TGFBR2: variants seen among roughly 807,000 people sequenced by gnomAD.
TGFBR2 encodes the protein TGF-beta receptor type-2.
In TGFBR2, 18 loss-of-function variants were observed where a neutral mutation model predicts 49.0. That is an observed-to-expected ratio of 0.37 (90% CI 0.25 to 0.54). The LOEUF is 0.54. TGFBR2 is among the 20% of genes least tolerant of loss of function. The probability of loss-of-function intolerance (pLI) is 0.85; values close to 1 mark genes in which losing one functional copy is unlikely to be tolerated. For synonymous variants in TGFBR2, 282 were observed against 275.9 expected (o/e 1.02, Z -0.22); for missense variants, 525 against 722.6 (o/e 0.73, Z 3.13).
chr3:30,607,789 A>AT, intron 1 of TGFBR2, among the ~76,000 whole-genome samples: 1 of 135,186 alleles, frequency 7.4e-6, no homozygotes, highest in African/African-American at 3.1e-5. Context: ...GGAAAAAATA[A>AT]AAATAAAAAA....
chr3:30,620,919 T>C (rs1274055299), intron 1 of TGFBR2, among the ~76,000 whole-genome samples: 2 of 152,200 alleles, frequency 1.3e-5, no homozygotes, highest in African/African-American at 4.8e-5. Flanking sequence ...TGGAAAGCCC[T>C]GTTAAAATGA....
At chr3:30,688,889 A>G (rs1239650737) in intron 6 of TGFBR2, among the ~76,000 whole-genome samples, 3 of 152,194 alleles carry the variant, frequency 2.0e-5, no homozygotes, top group African/African-American at 4.8e-5. Flanking sequence ...CTTCAGCTCC[A>G]TAAGGAAATA....
intron 1 of TGFBR2, among the ~76,000 whole-genome samples, chr3:30,619,925 T>G (rs552307172): frequency 6.6e-6 from 1 of 150,422 alleles, no homozygotes; most frequent in Admixed American, 6.7e-5. Context: ...TGGTGGCTTA[T>G]GCCTGTAATC....
chr3:30,668,052 T>G (rs1156955212), intron 3 of TGFBR2, among the ~76,000 whole-genome samples: 4 of 152,124 alleles, frequency 2.6e-5, no homozygotes, highest in African/African-American at 9.7e-5. Flanking sequence ...TCTTTAAAAA[T>G]GGGGATGGAA....
Position 30,672,179 on chromosome 3 carries a change from C to T in TGFBR2, c.996C>T (p.Asn332=). 2 of 1,613,678 alleles carry T rather than the reference C, an allele frequency of 1.2e-6. No homozygotes were observed. The highest frequency in any genetic ancestry group is 1.7e-6 in the Non-Finnish European group (2 of 1,179,580). ...TCACCGCCTTCCACGCCAAGGGCAA[C>T]CTACAGGAGTACCTGACGCGGCATG... ...WLITAFHAKG[N]LQEYLTRHVI... The change falls in exon 4 of 7, where the codon AAC becomes AAT. Residue 332 remains asparagine, a synonymous_variant. Transcript: ENST00000295754. The surrounding 1 kb of genome is among the most constrained non-coding windows in gnomAD (Gnocchi z 4.5).
Position 30,693,566 on chromosome 3 carries a change from A to C in TGFBR2, c.*1967A>C, listed in dbSNP as rs1192174415. ...TTTAAGATACATGCAAAGGTTTGGA[A>C]ATAGAACCTCTAGGCACCCTCCTCA... On this transcript the variant is annotated 3_prime_UTR_variant, in exon 7 of 7. Coordinates refer to ENST00000295754, the MANE Select transcript of TGFBR2 (RefSeq NM_003242.6). 1.7e-5 allele frequency: 4 copies of C among 233,334 alleles called. No individual in the cohort carries two copies. The highest frequency in any genetic ancestry group is 3.4e-5 in the Non-Finnish European group (4 of 117,844). 14.5% of individuals were successfully genotyped at this position (233,334 alleles called of 1,614,324 possible).
At chr3:30,662,275 T>G (rs1348345960) in intron 3 of TGFBR2, among the ~76,000 whole-genome samples, 1 of 152,216 alleles carries the variant, frequency 6.6e-6, no homozygotes, top group Admixed American at 6.5e-5. Context: ...AATGATGTCC[T>G]TCTACCATAA....
chr3:30,675,586 C>G (rs1001405227), intron 5 of TGFBR2, among the ~76,000 whole-genome samples: 1 of 152,090 alleles, frequency 6.6e-6, no homozygotes, highest in South Asian at 2.1e-4. Context: ...AGGGTTACAC[C>G]GTGTTGATCA....
chr3:30,686,777 G>A (rs909386698), intron 5 of TGFBR2, among the ~76,000 whole-genome samples: 1 of 152,152 alleles, frequency 6.6e-6, no homozygotes, highest in Non-Finnish European at 1.5e-5. Flanking sequence ...TTTAGTACTG[G>A]GATGTTTTCT....
chr3:30,626,707 C>T (rs563366045), intron 1 of TGFBR2: 5 of 152,570 alleles, frequency 3.3e-5, no homozygotes, highest in Admixed American at 2.0e-4. Flanking sequence ...TTTCAGACAC[C>T]ATTCTTGGAG....
chr3:30,659,058 TTC>T (rs1378103408), intron 3 of TGFBR2, among the ~76,000 whole-genome samples: 1 of 152,232 alleles, frequency 6.6e-6, no homozygotes, highest in African/African-American at 2.4e-5. Flanking sequence ...AAATGATTAG[TTC>T]TTGCATGTAA....
At chr3:30,656,363 T>C (rs1698998649) in intron 3 of TGFBR2, among the ~76,000 whole-genome samples, 1 of 152,186 alleles carries the variant, frequency 6.6e-6, no homozygotes, top group South Asian at 2.1e-4. Flanking sequence ...TTCATGTTAG[T>C]TTATTGTATT....
intron 1 of TGFBR2, among the ~76,000 whole-genome samples, chr3:30,615,590 T>C (rs1451239651): frequency 6.6e-6 from 1 of 152,216 alleles, no homozygotes; most frequent in East Asian, 1.9e-4. Context: ...AAAATGTTAT[T>C]GGAAGAGATG....
chr3:30,687,380 T>G (rs1367609), intron 5 of TGFBR2, among the ~76,000 whole-genome samples: 85,355 of 151,904 alleles, frequency 0.56, 24,669 homozygotes, highest in African/African-American at 0.71. Flanking sequence ...CAACTTTTTT[T>G]GTTTGCTTGT....
intron 1 of TGFBR2, among the ~76,000 whole-genome samples, chr3:30,629,014 G>A (rs535149003): frequency 6.6e-6 from 1 of 152,106 alleles, no homozygotes; most frequent in Non-Finnish European, 1.5e-5. Context: ...TTTCCAATGC[G>A]ATTACTTTTC....
rs369578953 is a variant in TGFBR2 at position 30,691,631 on chromosome 3, G to A, written c.*32G>A. 51 of 1,613,530 alleles carry A rather than the reference G, an allele frequency of 3.2e-5. No individual in the cohort carries two copies. The highest frequency in any genetic ancestry group is 4.5e-5 in the East Asian group (2 of 44,874). ...TGGGGCAGGCTGGGCCATGTCCAAA[G>A]AGGCTGCCCCTCTCACCAAAGAACA... On this transcript the variant is annotated 3_prime_UTR_variant, in exon 7 of 7. Coordinates refer to ENST00000295754, the MANE Select transcript of TGFBR2 (RefSeq NM_003242.6).
intron 1 of TGFBR2, among the ~76,000 whole-genome samples, chr3:30,641,818 G>A (rs983197849): frequency 6.6e-6 from 1 of 151,982 alleles, no homozygotes; most frequent in Non-Finnish European, 1.5e-5. Flanking sequence ...CAGGGGCCCC[G>A]TTACAGTGGT....
intron 3 of TGFBR2, among the ~76,000 whole-genome samples, chr3:30,666,852 C>G (rs1022621222): frequency 7.2e-5 from 11 of 151,746 alleles, no homozygotes; most frequent in African/African-American, 2.7e-4. Flanking sequence ...CACTATGTTG[C>G]CCAGGCTAGT....
chr3:30,677,036 T>C (rs527420676), intron 5 of TGFBR2, among the ~76,000 whole-genome samples: 7 of 152,322 alleles, frequency 4.6e-5, no homozygotes, highest in Admixed American at 2.6e-4. Flanking sequence ...TTTACCTAGA[T>C]TTCAGTATCA....
Sources: gnomAD v4.1 joint callset for allele counts (sites outside exome capture counted in the v4.1 genomes callset) on GRCh38, gnomAD v4.1.1 for gene constraint, Gnocchi (gnomAD v3.1) non-coding constraint, MANE v1.5 for transcripts, NCBI Gene and HGNC (gene_info 2026-07-23, HGNC 2026-07-21) for gene names.